SEC16A: variants seen among roughly 807,000 people sequenced by gnomAD.
The protein encoded by SEC16A is protein transport protein Sec16A.
A neutral mutation model predicts 221.9 loss-of-function variants in SEC16A; 110 were observed. The ratio of observed to expected loss-of-function variants is 0.50; its 90% CI spans 0.42 to 0.58. The LOEUF (loss-of-function observed/expected upper bound fraction) is 0.58, where lower values mean the gene tolerates loss of function less well. Ranked by LOEUF, SEC16A falls within the 20% of genes least tolerant of loss-of-function variation. The probability of loss-of-function intolerance (pLI) is 0.00; values close to 1 mark genes in which losing one functional copy is unlikely to be tolerated. For synonymous variants in SEC16A, 1,393 were observed against 1,257.7 expected, an observed-to-expected ratio of 1.11 and a Z score of -2.28; for missense variants, 3,165 against 3,097.8, an observed-to-expected ratio of 1.02 and a Z score of -0.52.
chr9:136,466,964 C>G lies in SEC16A; in HGVS notation c.3922G>C (p.Gly1308Arg), dbSNP rs769894425. ...DAYRREHSAF[G>R]DRPEKRDNNW... ...CAGGGGTGCTCCACCAACCTGTCCC[C>G]GAAGGCAGAGTGCTCTCTCCTGTAT... is the stretch of plus-strand genomic sequence containing the variant. Residue 1308 changes from glycine to arginine, a missense_variant, in exon 6 of 32, where the codon GGG becomes CGG. Around this residue, in one of 3 missense-constraint regions of SEC16A, gnomAD observed 2,030 missense variants for 1,923.1 expected, o/e 1.06. Coordinates refer to ENST00000684901, the MANE Select transcript of SEC16A (RefSeq NM_014866.2). The surrounding 1 kb of genome is among the most constrained non-coding windows in gnomAD (Gnocchi z 5.5). 1.2e-6 allele frequency: 2 copies of G among 1,612,818 alleles called. No homozygotes were observed. The highest frequency in any genetic ancestry group is 1.7e-6 in the Non-Finnish European group (2 of 1,179,486).
intron 18 of SEC16A, 25 bp downstream of exon 18, chr9:136,457,419 C>T (rs201549454): frequency 2.9e-4 from 453 of 1,582,226 alleles, no homozygotes; most frequent in Non-Finnish European, 3.6e-4. Flanking sequence ...CACAGCATCC[C>T]GAGGACAGGC....
chr9:136,472,130 G>C lies in SEC16A; in HGVS notation c.3568-19C>G, dbSNP rs1162424819. ...AGACATCCTGTGGGAGGAAGCATTT[G>C]GGCAGGATTAGACACCAATCAAGAG... On this transcript the variant is annotated intron_variant, in intron 3 of 31. Transcript: ENST00000684901. 6.2e-7 allele frequency: 1 copy of C among 1,613,110 alleles called. No homozygotes were observed. The highest frequency in any genetic ancestry group is 8.5e-7 in the Non-Finnish European group (1 of 1,179,776).
intron 31 of SEC16A, 69 bp from the exon 32 acceptor site, chr9:136,441,892 T>C: frequency 7.4e-7 from 1 of 1,349,176 alleles, no homozygotes; most frequent in South Asian, 1.2e-5. Context: ...GGCTGCAGCG[T>C]GGCAGGGGCT....
chr9:136,469,155 G>A (rs1362597347), intron 4 of SEC16A, among the ~76,000 whole-genome samples: 1 of 152,150 alleles, frequency 6.6e-6, no homozygotes, highest in African/African-American at 2.4e-5. Flanking sequence ...CGGTCTCACT[G>A]AGCCATTCAA....
chr9:136,458,264 C>A (rs1838980326), intron 17 of SEC16A, among the ~76,000 whole-genome samples: 1 of 151,808 alleles, frequency 6.6e-6, no homozygotes, highest in Non-Finnish European at 1.5e-5. Context: ...CCGCCATGCT[C>A]AGCCTCTCAT....
chr9:136,484,237 C>G, upstream of SEC16A: 1 of 519,464 alleles, frequency 1.9e-6, no homozygotes, highest in Non-Finnish European at 2.6e-6. Context: ...GCTGAGTGCA[C>G]GTCGGTGGCG....
chr9:136,461,093 C>G (rs1283814637), intron 13 of SEC16A, 84 bp downstream of exon 13: 1 of 1,043,676 alleles, frequency 9.6e-7, no homozygotes, highest in African/African-American at 1.6e-5. Flanking sequence ...GATCCGCCTG[C>G]CGCCTGCCCC....
At chr9:136,484,346 G>C, upstream of SEC16A, 1 of 1,145,596 alleles carries the variant, frequency 8.7e-7, no homozygotes, top group South Asian at 1.8e-5. Context: ...CAGCATCCAC[G>C]CCCTCCCGCG....
At chr9:136,461,317 G>T in intron 12 of SEC16A, 43 bp from the exon 13 acceptor site, 2 of 1,430,040 alleles carry the variant, frequency 1.4e-6, no homozygotes, top group Non-Finnish European at 1.9e-6. Flanking sequence ...TATCGGCGGC[G>T]CTCACGTGAC....
intron 23 of SEC16A, 79 bp from the exon 24 acceptor site, chr9:136,448,240 C>T (rs1300112114): frequency 1.6e-6 from 2 of 1,228,098 alleles, no homozygotes; most frequent in Admixed American, 1.9e-5. Flanking sequence ...ACAAATTCTA[C>T]ATGACCCACT....
In SEC16A at chr9:136,451,405, G is replaced by A; in HGVS notation, c.6163C>T (p.Pro2055Ser). 2.5e-6 allele frequency: 4 copies of A among 1,599,234 alleles called. No individual in the cohort carries two copies. The highest frequency in any genetic ancestry group is 2.2e-5 in the East Asian group (1 of 44,778). The change falls in exon 23 of 32, where the codon CCC becomes TCC. Residue 2055 changes from proline (P) to serine (S), a missense_variant. By Grantham distance (74) the Pro-to-Ser change is moderately conservative. Coordinates refer to ENST00000684901, the MANE Select transcript of SEC16A (RefSeq NM_014866.2). ...TCCGAGTCTGGCACCGTCCTCGAGG[G>A]GGTCTGTCGCAAGGAAATGCAGAAC... ...NFDGKFANLTPSRTVPDSEAP... is the reference protein window; with the variant it reads ...NFDGKFANLTSSRTVPDSEAP...
Position 136,451,316 on chromosome 9 carries a change from G to C in SEC16A, c.6252C>G (p.Pro2084=), listed in dbSNP as rs368036714. 3 of 1,613,620 alleles carry C rather than the reference G, an allele frequency of 1.9e-6. No individual in the cohort carries two copies. The highest frequency in any genetic ancestry group is 1.7e-6 in the Non-Finnish European group (2 of 1,179,722). The stretch of plus-strand genomic sequence containing the variant: ...GTCCGGGTCTCTTTGTTTCGGGAGC[G>C]GGTGAGAGAGACAGAGGTGGCTGCG... ...GPTQPPLSLS[P]APETKRPGQA... is the part of the protein sequence containing the mutation. The change falls in exon 23 of 32, where the codon CCC becomes CCG. Residue 2084 remains proline, a synonymous_variant. Coordinates refer to ENST00000684901, the MANE Select transcript of SEC16A (RefSeq NM_014866.2).
chr9:136,464,480 T>C lies in SEC16A; in HGVS notation c.4386A>G (p.Lys1462=), dbSNP rs781114831. The change falls in exon 9 of 32, where the codon AAA becomes AAG. Residue 1462 remains lysine, a synonymous_variant. Coordinates refer to ENST00000684901, the MANE Select transcript of SEC16A (RefSeq NM_014866.2). ...CTTCTGAAGGCAGATTGGGAATCAC[T>C]TTGATAAGCTGACCGCCAGGGCCAA... The part of the protein sequence containing the change: ...ARFGPGGQLI[K]VIPNLPSEGQ... 3 of 1,613,026 alleles carry C rather than the reference T, an allele frequency of 1.9e-6. No individual in the cohort carries two copies. The Admixed American group carries it at 5.0e-5, about 27-fold the overall frequency.
Position 136,459,354 on chromosome 9 carries a change from T to A in SEC16A, c.5303+90A>T. ...CACCACGTGACAAATAAAGACATGA[T>A]TCTGGCCATTTCTGAATTCACTAAA... On this transcript the variant is annotated intron_variant, in intron 16 of 31. Coordinates refer to ENST00000684901, the MANE Select transcript of SEC16A (RefSeq NM_014866.2). The surrounding 1 kb of genome is among the most constrained non-coding windows in gnomAD (Gnocchi z 6.1). The A allele has an allele frequency of 7.2e-7, 1 of 1,389,916 alleles. No homozygotes were observed. Among genetic ancestry groups the A allele is most frequent in the Non-Finnish European group, 1.0e-6 (1 of 997,720 alleles). The allele number at this position is 1,389,916 out of a possible 1,614,324, so 86.1% of individuals were successfully genotyped here.
chr9:136,461,085 T>TCCGCCTG (rs1336820664), intron 13 of SEC16A, 92 bp downstream of exon 13: 22 of 957,990 alleles, frequency 2.3e-5, no homozygotes, highest in African/African-American at 2.1e-4. Flanking sequence ...TCAAGTGAGA[T>TCCGCCTG]CCGCCTGCCG....
chr9:136,448,891 G>A (rs900813686), intron 23 of SEC16A: 1 of 695,950 alleles, frequency 1.4e-6, no homozygotes. Flanking sequence ...TCGTTTCAAG[G>A]AGACAGAGTT....
At chr9:136,472,958 C>T (rs991469622) in intron 3 of SEC16A, among the ~76,000 whole-genome samples, 4 of 152,236 alleles carry the variant, frequency 2.6e-5, no homozygotes, top group Non-Finnish European at 5.9e-5. Context: ...CTTCCCGTCG[C>T]TCTGCACCAG....
intron 1 of SEC16A, among the ~76,000 whole-genome samples, chr9:136,480,686 T>A (rs924793152): frequency 6.6e-6 from 1 of 152,070 alleles, no homozygotes; most frequent in African/African-American, 2.4e-5. Context: ...GGTCAGAAGA[T>A]CGAGACCATC....
Position 136,476,003 on chromosome 9 carries a change from C to T in SEC16A, c.1613G>A (p.Arg538Lys), listed in dbSNP as rs1447160701. The T allele has an allele frequency of 1.2e-6, 2 of 1,613,512 alleles. No homozygotes were observed. Among genetic ancestry groups the T allele is most frequent in the South Asian group, 1.1e-5 (1 of 91,080 alleles). The change falls in exon 3 of 32, where the codon AGG (arginine) becomes AAG (lysine). Residue 538 changes from arginine (R) to lysine (K), a missense_variant. By Grantham distance (26) the Arg-to-Lys change is conservative. Transcript: ENST00000684901. ...GAATGTGCCAACCAGCTCCTGGGGC[C>T]TGGCTGAGCCTGAGAGCCTTCCGTG... ...RSHGRLSGSA[R>K]PQELVGTFIQ... is the part of the protein sequence containing the mutation.
Sources: allele counts gnomAD v4.1 joint callset (sites outside exome capture counted in the v4.1 genomes callset), GRCh38; gene constraint gnomAD v4.1.1; regional missense constraint gnomAD v4.1.1; non-coding constraint Gnocchi (gnomAD v3.1); transcripts MANE v1.5; gene names NCBI Gene and HGNC (gene_info 2026-07-23, HGNC 2026-07-21).